Variants in SYNE1 observed in about 807,000 individuals in gnomAD.
The protein encoded by SYNE1 is spectrin repeat containing nuclear envelope protein 1.
SYNE1 carries 616 observed loss-of-function variants against 1,111.0 expected under a neutral mutation model. The observed-to-expected ratio is 0.55, with a 90% CI of 0.52 to 0.59. The LOEUF is 0.59. SYNE1 is among the 20% of genes least tolerant of loss of function. The pLI is 0.00. For synonymous variants in SYNE1, 3,855 were observed against 3,825.8 expected (o/e 1.01, Z -0.28); for missense variants, 10,006 against 10,417.0 (o/e 0.96, Z 1.72).
At chr6:152,522,570 C>T (rs1351642002) in intron 5 of SYNE1, among the ~76,000 whole-genome samples, 7 of 152,084 alleles carry the variant, frequency 4.6e-5, no homozygotes, top group Non-Finnish European at 1.0e-4. Flanking sequence ...TGGGTAGACA[C>T]CCAGTAGTGG....
chr6:152,146,589 T>C (rs2059554045), intron 137 of SYNE1: 1 of 152,152 alleles, frequency 6.6e-6, no homozygotes, highest in Non-Finnish European at 1.5e-5. Flanking sequence ...AAAGACAAAA[T>C]AGAAATGAGA....
At chr6:152,253,822 T>TTTTTTTTTG in intron 104 of SYNE1, among the ~76,000 whole-genome samples, 1 of 52,012 alleles carries the variant, frequency 1.9e-5, no homozygotes, top group Non-Finnish European at 3.1e-5. Context: ...GGTTTGGTTT[T>TTTTTTTTTG]TTTTTTTTTT....
chr6:152,302,048 T>G lies in SYNE1; in HGVS notation c.17362A>C (p.Ile5788Leu), dbSNP rs752365687. 1.2e-5 allele frequency: 20 copies of G among 1,614,134 alleles called. No individual in the cohort carries two copies. The South Asian group carries it at 2.2e-4, about 18-fold the overall frequency. Reference protein sequence around the residue: ...ISRHEELAQKIKGYQEQIASL... With the variant: ...ISRHEELAQKLKGYQEQIASL... Reference sequence around the variant, plus strand: ...GCGATCTGCTCCTGGTAGCCCTTAATTTTCTGCGCCAGCTCCTGAGGAAAC... The same window carrying G: ...GCGATCTGCTCCTGGTAGCCCTTAAGTTTCTGCGCCAGCTCCTGAGGAAAC... Residue 5788 changes from isoleucine (I) to leucine (L), a missense_variant, in exon 92 of 146, where the codon ATT becomes CTT. Physicochemically the swap from Ile to Leu is conservative, Grantham distance 5. This residue lies in a region of SYNE1 where 4,955 missense variants were observed against 5,017.2 expected (regional missense o/e 0.99). Coordinates refer to ENST00000367255, the MANE Select transcript of SYNE1 (RefSeq NM_182961.4).
Position 152,326,432 on chromosome 6 carries a change from G to T in SYNE1, c.15157C>A (p.His5053Asn). Reference sequence around the variant, plus strand: ...GGGTCCAGGGTGGCTACCAGGCTGTGGAGCTCCTCCAGGTTACTATGGAAC... The same window carrying T: ...GGGTCCAGGGTGGCTACCAGGCTGTTGAGCTCCTCCAGGTTACTATGGAAC... ...DQFHSNLEEL[H>N]SLVATLDPLI... The change falls in exon 79 of 146, where the codon CAC (histidine) becomes AAC (asparagine). Residue 5053 changes from histidine to asparagine, a missense_variant. Physicochemically the swap from His to Asn is moderately conservative, Grantham distance 68. Coordinates refer to ENST00000367255, the MANE Select transcript of SYNE1 (RefSeq NM_182961.4). 1 of 1,614,172 alleles carries T rather than the reference G, an allele frequency of 6.2e-7. No homozygotes were observed. The highest frequency in any genetic ancestry group is 8.5e-7 in the Non-Finnish European group (1 of 1,180,034).
intron 132 of SYNE1, 60 bp from the exon 133 acceptor site, chr6:152,155,102 C>T: frequency 6.2e-7 from 1 of 1,605,328 alleles, no homozygotes; most frequent in South Asian, 1.1e-5. Flanking sequence ...GCTCCAGAAC[C>T]CGGTCTGCTG....
intron 51 of SYNE1, among the ~76,000 whole-genome samples, chr6:152,392,842 T>C (rs1236338893): frequency 6.6e-6 from 1 of 152,238 alleles, no homozygotes; most frequent in Non-Finnish European, 1.5e-5. Flanking sequence ...ATAAATTGCT[T>C]AATGCATGAT....
intron 108 of SYNE1, among the ~76,000 whole-genome samples, chr6:152,238,062 A>T (rs1424982109): frequency 6.6e-6 from 1 of 152,172 alleles, no homozygotes; most frequent in African/African-American, 2.4e-5. Context: ...GTGAGGAGAG[A>T]CAGGCAATCA....
intron 93 of SYNE1, among the ~76,000 whole-genome samples, chr6:152,299,563 G>A (rs370887719): frequency 2.6e-5 from 4 of 152,128 alleles, no homozygotes; most frequent in South Asian, 2.1e-4. Context: ...AAGGTTTCAC[G>A]CTGAGCAGGT....
At chr6:152,389,445 A>T (rs1262202429) in intron 53 of SYNE1, among the ~76,000 whole-genome samples, 1 of 152,130 alleles carries the variant, frequency 6.6e-6, no homozygotes. Flanking sequence ...TTATGATCAC[A>T]TTGGGCACCC....
At chr6:152,204,069 A>G (rs2076029381) in intron 126 of SYNE1, among the ~76,000 whole-genome samples, 1 of 152,208 alleles carries the variant, frequency 6.6e-6, no homozygotes, top group Admixed American at 6.5e-5. Context: ...TTGATCTAAA[A>G]GAGATAAGAT....
At chr6:152,429,810 C>T (rs924436313) in intron 36 of SYNE1, among the ~76,000 whole-genome samples, 12 of 152,110 alleles carry the variant, frequency 7.9e-5, no homozygotes, top group African/African-American at 1.2e-4. Context: ...TTTTATAATG[C>T]TGGCAAGAGG....
chr6:152,375,662 C>A (rs1015001850), intron 58 of SYNE1, among the ~76,000 whole-genome samples: 3 of 152,186 alleles, frequency 2.0e-5, no homozygotes, highest in Non-Finnish European at 2.9e-5. Context: ...AACACACCAG[C>A]TCTGTGACCT....
At chr6:152,212,232 T>C (rs1418744428) in intron 123 of SYNE1, among the ~76,000 whole-genome samples, 1 of 152,132 alleles carries the variant, frequency 6.6e-6, no homozygotes, top group African/African-American at 2.4e-5. Flanking sequence ...TTTTAGAATT[T>C]TCATTGCCCC....
chr6:152,357,461 C>T (rs975831716), intron 66 of SYNE1, among the ~76,000 whole-genome samples: 6 of 152,130 alleles, frequency 3.9e-5, no homozygotes, highest in African/African-American at 9.7e-5. Flanking sequence ...TTGTAAGTTC[C>T]AACACATCAC....
At chr6:152,612,731 C>T (rs1290052801) in intron 3 of SYNE1, among the ~76,000 whole-genome samples, 5 of 152,100 alleles carry the variant, frequency 3.3e-5, no homozygotes, top group South Asian at 4.1e-4. Flanking sequence ...TGATGAAAAT[C>T]GATGTGAAAA....
intron 14 of SYNE1, chr6:152,481,565 T>C: frequency 2.2e-6 from 1 of 452,890 alleles, no homozygotes; most frequent in Non-Finnish European, 4.4e-6. Flanking sequence ...TAAAAATAAA[T>C]AAATAAACAA....
At position 152,592,610 on chromosome 6, in the gene SYNE1, A is replaced by G. The variant is rs143449983; in HGVS notation, c.67+35655T>C. Reference sequence around the variant, plus strand: ...GTTAAAAAACTGTCCATGGGGTACTATGTTCACTGCCAGGGTGATGGGATC... The same window carrying G: ...GTTAAAAAACTGTCCATGGGGTACTGTGTTCACTGCCAGGGTGATGGGATC... On this transcript the variant is annotated intron_variant, in intron 3 of 145. Coordinates refer to ENST00000367255, the MANE Select transcript of SYNE1 (RefSeq NM_182961.4). Among the ~76,000 whole-genome samples, 1,234 of 152,308 alleles carry G rather than the reference A, an allele frequency of 8.1e-3. 7 individuals are homozygous for G. The highest frequency in any genetic ancestry group is 0.014 in the Middle Eastern group (4 of 294).
At chr6:152,171,978 A>G (rs1250807321) in intron 130 of SYNE1, among the ~76,000 whole-genome samples, 1 of 152,256 alleles carries the variant, frequency 6.6e-6, no homozygotes, top group Non-Finnish European at 1.5e-5. Context: ...GTAGGCGTTC[A>G]ATCATTTTAA....
intron 95 of SYNE1, among the ~76,000 whole-genome samples, chr6:152,287,682 G>A (rs894546918): frequency 2.0e-5 from 3 of 152,124 alleles, no homozygotes; most frequent in African/African-American, 7.2e-5. Flanking sequence ...GAGTAGCTGG[G>A]ATTATAGGCA....
Sources: gnomAD v4.1 joint callset for allele counts (sites outside exome capture counted in the v4.1 genomes callset) on GRCh38, gnomAD v4.1.1 for gene constraint, gnomAD v4.1.1 regional missense constraint, MANE v1.5 for transcripts, NCBI Gene and HGNC (gene_info 2026-07-23, HGNC 2026-07-21) for gene names.